SERPINE3: variants seen among roughly 807,000 people sequenced by gnomAD.
SERPINE3 encodes serpin family E member 3, also known as serpin E3.
In SERPINE3, 43 loss-of-function variants were observed where a neutral mutation model predicts 41.7. The ratio of observed to expected loss-of-function variants is 1.03; its 90% CI spans 0.81 to 1.33. SERPINE3 has a LOEUF of 1.33. SERPINE3 is among the 40% of genes most tolerant of loss of function. The pLI is 0.00. For missense variants in SERPINE3, 440 were observed against 491.7 expected, an observed-to-expected ratio of 0.89 and a Z score of 0.99; for synonymous variants, 200 against 192.2, an observed-to-expected ratio of 1.04 and a Z score of -0.34.
chr13:51,345,259 G>C (rs759155988), intron 4 of SERPINE3, among the ~76,000 whole-genome samples: 1 of 152,120 alleles, frequency 6.6e-6, no homozygotes, highest in African/African-American at 2.4e-5. Flanking sequence ...TAACCCAGGT[G>C]GTCCGGCTCC....
chr13:51,353,158 A>C (rs1261410767), intron 6 of SERPINE3, among the ~76,000 whole-genome samples: 1 of 152,172 alleles, frequency 6.6e-6, no homozygotes, highest in East Asian at 1.9e-4. Flanking sequence ...CATACAAGAC[A>C]ATCACTCTAA....
chr13:51,351,399 A>G (rs994097600), intron 6 of SERPINE3, among the ~76,000 whole-genome samples: 3 of 152,130 alleles, frequency 2.0e-5, no homozygotes, highest in African/African-American at 7.2e-5. Flanking sequence ...CTAATGACTA[A>G]TGAGGTAGAG....
chr13:51,344,192 T>C lies in SERPINE3; in HGVS notation c.257-60T>C, dbSNP rs1184657130. 9 of 1,218,432 alleles carry C rather than the reference T, an allele frequency of 7.4e-6. No homozygotes were observed. The South Asian group carries it at 8.9e-5, about 12-fold the overall frequency. The allele number at this position is 1,218,432 out of a possible 1,614,324, so 75.5% of individuals were successfully genotyped here. A position where few individuals can be genotyped will look rare whatever the true frequency, so the allele number is the denominator to read the frequency against. ...ATCTCAATGCAATGTGTGCTGGAGGTTGTGCTAACTCCTTACTCACACTCA... is the reference window on the plus strand; with the variant it reads ...ATCTCAATGCAATGTGTGCTGGAGGCTGTGCTAACTCCTTACTCACACTCA... On this transcript the variant is annotated intron_variant, in intron 3 of 9. Coordinates refer to ENST00000681248, the MANE Select transcript of SERPINE3 (RefSeq NM_001386375.1).
intron 9 of SERPINE3, chr13:51,362,153 C>CTA: frequency 1.0e-6 from 1 of 972,928 alleles, no homozygotes; most frequent in Non-Finnish European, 1.4e-6. Context: ...TTTTTTAATG[C>CTA]TATAGGTTTC....
intron 7 of SERPINE3, among the ~76,000 whole-genome samples, chr13:51,357,216 A>G (rs1955493882): frequency 6.6e-6 from 1 of 152,190 alleles, no homozygotes; most frequent in Non-Finnish European, 1.5e-5. Context: ...AACATAATCA[A>G]GAGACTAACC....
intron 4 of SERPINE3, 100 bp downstream of exon 4, chr13:51,344,585 T>G: frequency 1.1e-6 from 1 of 889,926 alleles, no homozygotes; most frequent in Non-Finnish European, 1.8e-6. Context: ...CAGGCCACCT[T>G]CAATTACAGC....
chr13:51,361,231 A>G, intron 7 of SERPINE3, 47 bp from the exon 8 acceptor site: 1 of 1,259,374 alleles, frequency 7.9e-7, no homozygotes, highest in Non-Finnish European at 1.1e-6. Context: ...AATGTGTTAG[A>G]AAAATGTTAA....
chr13:51,344,189 A>T, intron 3 of SERPINE3, 63 bp from the exon 4 acceptor site: 1 of 1,161,022 alleles, frequency 8.6e-7, no homozygotes, highest in Non-Finnish European at 1.3e-6. Context: ...TGTGTGCTGG[A>T]GGTTGTGCTA....
At chr13:51,362,705 A>G (rs965711828) in intron 9 of SERPINE3, 1 of 152,418 alleles carries the variant, frequency 6.6e-6, no homozygotes, top group African/African-American at 2.4e-5. Flanking sequence ...ATGGAGAAAA[A>G]TGTCAAAAGT....
rs770284657 is a variant in SERPINE3 at position 51,347,224 on chromosome 13, G to A, written c.690G>A (p.Glu230=). 5 of 1,613,510 alleles carry A rather than the reference G, an allele frequency of 3.1e-6. No individual in the cohort carries two copies. The highest frequency in any genetic ancestry group is 4.2e-6 in the Non-Finnish European group (5 of 1,179,684). Residue 230 remains glutamate, a synonymous_variant, in exon 5 of 10, where the codon GAG becomes GAA. Coordinates refer to ENST00000681248, the MANE Select transcript of SERPINE3 (RefSeq NM_001386375.1). The part of the protein sequence containing the change: ...LQVPMMHQTT[E]VNYGQFQDTA... ...TCCCCATGATGCACCAAACGACCGA[G>A]GTCAACTACGGTGAGCTCTGCCCCT...
rs1253916986 is a variant in SERPINE3, at chr13:51,361,344, C to T, written c.1067C>T (p.Thr356Ile). 1 of 1,608,756 alleles carries T rather than the reference C, an allele frequency of 6.2e-7. No homozygotes were observed. Residue 356 changes from threonine (T) to isoleucine (I), a missense_variant, in exon 8 of 10, where the codon ACC becomes ATC. By Grantham distance (89) the Thr-to-Ile change is moderately conservative (BLOSUM62 -1). Transcript: ENST00000681248. The stretch of plus-strand genomic sequence containing the variant: ...AAGATTGAAGTTTTGGAGGAAGGCA[C>T]CAAGGCATCTGGAGCCACAGGTATG... Reference protein sequence around the residue: ...KAKIEVLEEGTKASGATALLL... With the variant: ...KAKIEVLEEGIKASGATALLL...
intron 5 of SERPINE3, among the ~76,000 whole-genome samples, chr13:51,347,963 C>G (rs537665664): frequency 4.6e-5 from 7 of 152,208 alleles, no homozygotes; most frequent in Admixed American, 2.6e-4. Context: ...TCGTCCCCCC[C>G]CCCATACCCA....
chr13:51,364,297 C>A lies in SERPINE3; in HGVS notation c.*15C>A. On this transcript the variant is annotated 3_prime_UTR_variant, in exon 10 of 10. Transcript: ENST00000681248. ...CCCTAGACTAAATGCATGTTCTCCACTTTCATCAATGCTTTTCTTCATAAA... is the reference window on the plus strand; with the variant it reads ...CCCTAGACTAAATGCATGTTCTCCAATTTCATCAATGCTTTTCTTCATAAA... 7.1e-7 allele frequency: 1 copy of A among 1,405,174 alleles called. No individual in the cohort carries two copies. Among genetic ancestry groups the A allele is most frequent in the Non-Finnish European group, 9.6e-7 (1 of 1,038,542 alleles). 87.0% of individuals were successfully genotyped at this position (1,405,174 alleles called of 1,614,324 possible).
At chr13:51,342,200 A>G (rs1955299745) in intron 3 of SERPINE3, among the ~76,000 whole-genome samples, 2 of 149,870 alleles carry the variant, frequency 1.3e-5, no homozygotes, top group African/African-American at 4.9e-5. Context: ...AAAAAAAAAA[A>G]GAGGCTATGA....
At position 51,354,240 on chromosome 13, in the gene SERPINE3, G is replaced by GCA. The variant is rs1421999839; in HGVS notation, c.900-794_900-793dup. On this transcript the variant is annotated intron_variant, in intron 6 of 9. Coordinates refer to ENST00000681248, the MANE Select transcript of SERPINE3 (RefSeq NM_001386375.1). ...TGTAGGTGACTAGAGCATGGGCTCT[G>GCA]CACACACACAGGCTTGATTTGAATC... The GCA allele has an allele frequency of 2.6e-5, 4 of 151,800 alleles. No individual in the cohort carries two copies. The East Asian group carries it at 7.7e-4, about 29-fold the overall frequency. 9.4% of individuals were successfully genotyped at this position (151,800 alleles called of 1,614,324 possible).
At chr13:51,341,432 C>A in intron 3 of SERPINE3, 85 bp downstream of exon 3, 1 of 1,264,020 alleles carries the variant, frequency 7.9e-7, no homozygotes, top group Non-Finnish European at 1.1e-6. Flanking sequence ...CTCACACTCA[C>A]ACTCACTCTC....
intron 6 of SERPINE3, among the ~76,000 whole-genome samples, chr13:51,350,053 T>G (rs1411588835): frequency 6.6e-6 from 1 of 152,184 alleles, no homozygotes; most frequent in East Asian, 1.9e-4. Flanking sequence ...AGGCAGGGAT[T>G]TACCTCTCAT....
chr13:51,344,397 G>C lies in SERPINE3; in HGVS notation c.402G>C (p.Trp134Cys), dbSNP rs781632840. The change falls in exon 4 of 10, where the codon TGG becomes TGC. Residue 134 changes from tryptophan (W) to cysteine (C), a missense_variant. Physicochemically the swap from Trp to Cys is radical, Grantham distance 215 (BLOSUM62 -2). Transcript: ENST00000681248. ...GCTTTGTGGAGCACGTCTCCTGGTG[G>C]GCTAACAGCAGCCTGGAACCAGCCG... is the stretch of plus-strand genomic sequence containing the variant. ...SPCFVEHVSW[W>C]ANSSLEPADL... 1 of 1,612,142 alleles carries C rather than the reference G, an allele frequency of 6.2e-7. No individual in the cohort carries two copies. Among genetic ancestry groups the C allele is most frequent in the Non-Finnish European group, 8.5e-7 (1 of 1,179,108 alleles).
intron 7 of SERPINE3, 86 bp from the exon 8 acceptor site, chr13:51,361,192 G>A: frequency 1.1e-6 from 1 of 874,452 alleles, no homozygotes; most frequent in South Asian, 1.5e-5. Context: ...TATAAATTTT[G>A]TAAGTACATT....
Sources: gnomAD v4.1 joint callset for allele counts (sites outside exome capture counted in the v4.1 genomes callset) on GRCh38, gnomAD v4.1.1 for gene constraint, MANE v1.5 for transcripts, NCBI Gene and HGNC (gene_info 2026-07-23, HGNC 2026-07-21) for gene names.